The following RNF212B variants were observed in gnomAD, a reference collection of about 807,000 sequenced individuals.
RNF212B encodes ring finger protein 212B.
Under a neutral mutation model 55.5 loss-of-function variants are expected in RNF212B, and 52 were observed. That is an observed-to-expected ratio of 0.94 (90% CI 0.75 to 1.18). The LOEUF (loss-of-function observed/expected upper bound fraction) is 1.18. RNF212B is among the 50% of genes most tolerant of loss of function. The pLI is 0.00. For missense variants in RNF212B, 289 were observed against 350.4 expected, an observed-to-expected ratio of 0.82 and a Z score of 1.40; for synonymous variants, 99 against 121.4, an observed-to-expected ratio of 0.82 and a Z score of 1.21.
Position 23,185,642 on chromosome 14 carries a change from A to G in RNF212B, c.-79+152A>G, listed in dbSNP as rs535096298. On this transcript the variant is annotated intron_variant, in intron 1 of 15. Transcript: ENST00000399910. ...AAGCTTTAGCCCTCTCAAATTATGAACTAAGAAGCTAAGGGGGTTATGGGA... is the reference window on the plus strand; with the variant it reads ...AAGCTTTAGCCCTCTCAAATTATGAGCTAAGAAGCTAAGGGGGTTATGGGA... Among the ~76,000 whole-genome samples, 3 of 152,312 alleles carry G rather than the reference A, an allele frequency of 2.0e-5. No individual in the cohort carries two copies. In the East Asian group the frequency reaches 5.8e-4, roughly 29 times the overall value.
At chr14:23,250,182 T>C (rs1025742756) in intron 4 of RNF212B, among the ~76,000 whole-genome samples, 5 of 152,180 alleles carry the variant, frequency 3.3e-5, no homozygotes, top group Non-Finnish European at 5.9e-5. Flanking sequence ...ATTTCTACAC[T>C]TTAAAAACTA....
chr14:23,253,023 C>T (rs1884528966), intron 4 of RNF212B, among the ~76,000 whole-genome samples: 1 of 152,104 alleles, frequency 6.6e-6, no homozygotes, highest in South Asian at 2.1e-4. Flanking sequence ...CATCACTCCA[C>T]TTCAACAATT....
intron 1 of RNF212B, among the ~76,000 whole-genome samples, chr14:23,239,988 AGG>A (rs1163224842): frequency 4.8e-5 from 7 of 145,102 alleles, no homozygotes; most frequent in Non-Finnish European, 1.1e-4. Flanking sequence ...AAAAAAGTAA[AGG>A]AAAACACACA....
Position 23,225,953 on chromosome 14 carries a change from T to C in RNF212B, c.-1-14392T>C, listed in dbSNP as rs777389265. 5.1e-4 allele frequency among the ~76,000 whole-genome samples: 77 copies of C among 152,290 alleles called. 1 individual carries two copies. Among genetic ancestry groups the C allele is most frequent in the Middle Eastern group, 6.8e-3 (2 of 294 alleles). ...ACATTGCAAAATATCTCATGTACCC[T>C]GTAAGTATACACACCAAGTATGTAC... is the stretch of plus-strand genomic sequence containing the variant. On this transcript the variant is annotated intron_variant, in intron 2 of 15. Coordinates refer to the RNF212B transcript ENST00000399910.
At chr14:23,243,374 A>C (rs2140440331) in intron 3 of RNF212B, 66 bp downstream of exon 3, 1 of 1,291,488 alleles carries the variant, frequency 7.7e-7, no homozygotes, top group Non-Finnish European at 1.1e-6. Context: ...AGTATATACA[A>C]AGTACAGATG....
At position 23,188,677 on chromosome 14, in the gene RNF212B, C is replaced by A. The variant is rs368820298; in HGVS notation, c.-79+3187C>A. Among the ~76,000 whole-genome samples the A allele has an allele frequency of 2.6e-5, 4 of 152,086 alleles. No individual in the cohort carries two copies. In the East Asian group the frequency reaches 7.7e-4, roughly 29 times the overall value. On this transcript the variant is annotated intron_variant, in intron 1 of 15. Coordinates refer to the RNF212B transcript ENST00000399910. Reference sequence around the variant, plus strand: ...TAAAGATGAGGTCTTACTGCATTACCCAGGCTGATCTCAAAGTCCTAGCCT... The same window carrying A: ...TAAAGATGAGGTCTTACTGCATTACACAGGCTGATCTCAAAGTCCTAGCCT...
intron 2 of RNF212B, among the ~76,000 whole-genome samples, chr14:23,211,501 A>G (rs562176614): frequency 3.3e-5 from 5 of 152,304 alleles, no homozygotes; most frequent in African/African-American, 9.6e-5. Flanking sequence ...TAGTTCCCCA[A>G]TGATTCTTAG....
chr14:23,234,778 A>C (rs1349863325), upstream of RNF212B, among the ~76,000 whole-genome samples: 1 of 152,268 alleles, frequency 6.6e-6, no homozygotes, highest in Non-Finnish European at 1.5e-5. Context: ...ACTTTTATTT[A>C]AGTAGAATTA....
chr14:23,226,045 A>T (rs749689284), intron 2 of RNF212B, among the ~76,000 whole-genome samples: 16 of 151,994 alleles, frequency 1.1e-4, no homozygotes, highest in Non-Finnish European at 1.9e-4. Flanking sequence ...CACGCCTGTA[A>T]TCTCAGCACT....
chr14:23,223,425 G>A (rs549694958), intron 2 of RNF212B, among the ~76,000 whole-genome samples: 2 of 151,574 alleles, frequency 1.3e-5, no homozygotes, highest in Admixed American at 1.3e-4. Flanking sequence ...ATATGATCTC[G>A]GCTCACTGCA....
intron 12 of RNF212B, among the ~76,000 whole-genome samples, chr14:23,269,217 T>C (rs541709733): frequency 3.3e-5 from 5 of 152,244 alleles, no homozygotes; most frequent in African/African-American, 1.2e-4. Context: ...GGCAGGAGAA[T>C]TGCTGAATCC....
intron 2 of RNF212B, among the ~76,000 whole-genome samples, chr14:23,229,636 A>C (rs1161180564): frequency 6.6e-6 from 1 of 152,072 alleles, no homozygotes; most frequent in Non-Finnish European, 1.5e-5. Context: ...CCTATGACTA[A>C]TTATATTGAG....
chr14:23,230,545 T>A (rs942039097), intron 2 of RNF212B, among the ~76,000 whole-genome samples: 1 of 149,788 alleles, frequency 6.7e-6, no homozygotes, highest in African/African-American at 2.5e-5. Flanking sequence ...TCCCAGCTAC[T>A]CGGGAAGCTG....
At chr14:23,229,254 AT>A (rs1882336680) in intron 2 of RNF212B, among the ~76,000 whole-genome samples, 1 of 117,400 alleles carries the variant, frequency 8.5e-6, no homozygotes, top group Admixed American at 8.7e-5. Context: ...ATATATATAT[AT>A]ATATATACCA....
chr14:23,247,026 G>C (rs1325493966), intron 4 of RNF212B, among the ~76,000 whole-genome samples: 2 of 151,916 alleles, frequency 1.3e-5, no homozygotes, highest in Non-Finnish European at 2.9e-5. Flanking sequence ...TTTAATCCCA[G>C]CTACTCGGGA....
intron 2 of RNF212B, among the ~76,000 whole-genome samples, chr14:23,208,243 C>T (rs991264001): frequency 3.3e-5 from 5 of 152,116 alleles, no homozygotes; most frequent in Non-Finnish European, 7.3e-5. Flanking sequence ...AGGAGTCAGC[C>T]GGATGTGGTG....
At chr14:23,243,048 A>C (rs1417934264) in intron 2 of RNF212B, among the ~76,000 whole-genome samples, 1 of 151,662 alleles carries the variant, frequency 6.6e-6, no homozygotes, top group African/African-American at 2.4e-5. Context: ...AGCCCTACTT[A>C]TATCTCAACA....
rs1885952500 is a variant in RNF212B at position 23,269,902 on chromosome 14, C to T, written c.714C>T (p.Phe238=). 1.9e-6 allele frequency: 3 copies of T among 1,549,480 alleles called. No individual in the cohort carries two copies. Among genetic ancestry groups the T allele is most frequent in the East Asian group, 4.9e-5 (2 of 40,906 alleles). The stretch of plus-strand genomic sequence containing the variant: ...CCTCTGGACAGGGGATTTTTTCTTT[C>T]AGACCATCCCCAAATGGGCATTCAG... ...SASSGQGIFS[F]RPSPNGHSGH... Residue 238 remains phenylalanine (F), a synonymous_variant, in exon 13 of 15, where the codon TTC becomes TTT. Coordinates refer to ENST00000430154, the MANE Select transcript of RNF212B (RefSeq NM_001282322.3).
At chr14:23,202,781 G>A (rs984011196) in intron 2 of RNF212B, among the ~76,000 whole-genome samples, 4 of 151,458 alleles carry the variant, frequency 2.6e-5, no homozygotes, top group Non-Finnish European at 5.9e-5. Flanking sequence ...AACCTGGGAG[G>A]TGGAGGTTGC....
Sources: gnomAD v4.1 joint callset for allele counts (sites outside exome capture counted in the v4.1 genomes callset) on GRCh38, gnomAD v4.1.1 for gene constraint, MANE v1.5 for transcripts, NCBI Gene and HGNC (gene_info 2026-07-23, HGNC 2026-07-21) for gene names.